Variants in DMD observed in about 807,000 individuals in gnomAD.
The protein encoded by DMD is dystrophin, also known as mutant dystrophin.
In DMD, 63 loss-of-function variants were observed where a neutral mutation model predicts 330.1. The observed-to-expected ratio is 0.19, with a 90% CI of 0.16 to 0.24. The LOEUF (loss-of-function observed/expected upper bound fraction) is 0.24, where lower values mean the gene tolerates loss of function less well. Ranked by LOEUF, DMD falls within the 10% of genes least tolerant of loss-of-function variation. DMD has a pLI of 1.00. For synonymous variants in DMD, 1,223 were observed against 959.8 expected (o/e 1.27, Z -5.07); for missense variants, 3,344 against 2,684.1 (o/e 1.25, Z -5.43).
intron 2 of DMD, among the ~76,000 whole-genome samples, chrX:32,882,150 C>T (rs1156699323): frequency 8.9e-6 from 1 of 111,930 alleles, no homozygotes; most frequent in Non-Finnish European, 1.9e-5. Flanking sequence ...GCCTCAGTCC[C>T]ATTGGGCCCT....
At chrX:32,508,099 A>G (rs776909186) in intron 18 of DMD, among the ~76,000 whole-genome samples, 1 of 110,973 alleles carries the variant, frequency 9.0e-6, no homozygotes, top group Non-Finnish European at 1.9e-5. Context: ...GGCCAACAAG[A>G]TATCACAAGG....
At chrX:31,745,970 C>T (rs741935) in intron 51 of DMD, among the ~76,000 whole-genome samples, 46,736 of 110,249 alleles carry the variant, frequency 0.42, 7,129 homozygotes, top group East Asian at 0.6. Flanking sequence ...TATTGCTGCA[C>T]TAGACCTGAT....
chrX:32,589,410 T>A (rs1228867155), intron 13 of DMD, among the ~76,000 whole-genome samples: 1 of 110,802 alleles, frequency 9.0e-6, no homozygotes, highest in African/African-American at 3.3e-5. Flanking sequence ...GTGCACTCTA[T>A]CTCATATGTG....
At chrX:32,772,022 C>A (rs1375451092) in intron 7 of DMD, among the ~76,000 whole-genome samples, 1 of 111,913 alleles carries the variant, frequency 8.9e-6, no homozygotes, top group Non-Finnish European at 1.9e-5. Flanking sequence ...GAAGGAAACA[C>A]CTGAAACCGG....
At chrX:31,884,876 G>T (rs746137477) in intron 47 of DMD, among the ~76,000 whole-genome samples, 2 of 111,250 alleles carry the variant, frequency 1.8e-5, no homozygotes, top group South Asian at 7.5e-4. Context: ...CTTGAAAGGA[G>T]TATTATAAAT....
intron 43 of DMD, among the ~76,000 whole-genome samples, chrX:32,221,311 G>A (rs1474776716): frequency 1.9e-5 from 2 of 104,864 alleles, no homozygotes; most frequent in Admixed American, 1.1e-4. Context: ...TGAGGAGGAG[G>A]GACCTGAGCT....
intron 18 of DMD, among the ~76,000 whole-genome samples, chrX:32,513,996 G>C (rs934074374): frequency 9.0e-6 from 1 of 111,665 alleles, no homozygotes; most frequent in African/African-American, 3.3e-5. Context: ...GATTGAGTAA[G>C]ATAAGGCACG....
chrX:31,806,737 T>C (rs1304727787), intron 50 of DMD, among the ~76,000 whole-genome samples: 2 of 112,663 alleles, frequency 1.8e-5, no homozygotes, highest in East Asian at 2.8e-4. Flanking sequence ...TTTACTATAA[T>C]GCTTCAGATT....
At chrX:33,114,234 C>T (rs377701077) in intron 1 of DMD, among the ~76,000 whole-genome samples, 11 of 107,690 alleles carry the variant, frequency 1.0e-4, no homozygotes, top group East Asian at 2.9e-4. Flanking sequence ...CTCAGCCTCC[C>T]GAGTAGCTGA....
intron 2 of DMD, among the ~76,000 whole-genome samples, chrX:32,952,424 GCCCAGCCTTGTTCAGCT>G: frequency 9.0e-6 from 1 of 111,501 alleles, no homozygotes; most frequent in Middle Eastern, 4.6e-3. Context: ...GAGCCACTGT[GCCCAGCCTTGTTCAGCT>G]CCTTTAGCTT....
intron 55 of DMD, among the ~76,000 whole-genome samples, chrX:31,564,034 G>A (rs181486067): frequency 9.0e-6 from 1 of 110,789 alleles, no homozygotes; most frequent in East Asian, 2.8e-4. Flanking sequence ...GTACACAGGG[G>A]GCATGCCATG....
At chrX:32,211,102 C>T (rs919172789) in intron 44 of DMD, among the ~76,000 whole-genome samples, 3 of 110,746 alleles carry the variant, frequency 2.7e-5, no homozygotes, top group Non-Finnish European at 5.7e-5. Context: ...TCTTTTTTTG[C>T]CTTCTCTCAA....
intron 44 of DMD, among the ~76,000 whole-genome samples, chrX:32,041,830 A>G (rs1156901532): frequency 1.8e-5 from 2 of 108,182 alleles, no homozygotes; most frequent in Admixed American, 1.0e-4. Flanking sequence ...TAGATTTAAA[A>G]TTTTGCTAAA....
intron 55 of DMD, among the ~76,000 whole-genome samples, chrX:31,569,652 A>ATATATACATATATATACG (rs2075692513): frequency 1.1e-5 from 1 of 93,207 alleles, no homozygotes; most frequent in Non-Finnish European, 2.1e-5. Flanking sequence ...GTATATACGT[A>ATATATACATATATATACG]TATATACGTA....
chrX:32,028,712 A>G (rs779949758), intron 44 of DMD, among the ~76,000 whole-genome samples: 43 of 111,540 alleles, frequency 3.9e-4, no homozygotes, highest in African/African-American at 1.4e-3. Context: ...GAAAGGAGGA[A>G]ATTGAAATTT....
chrX:32,732,797 G>A (rs1160668251), intron 7 of DMD, among the ~76,000 whole-genome samples: 17 of 110,001 alleles, frequency 1.5e-4, no homozygotes, highest in East Asian at 2.9e-4. Context: ...GGTACCAGCC[G>A]CTGCAAAATC....
intron 3 of DMD, among the ~76,000 whole-genome samples, chrX:32,848,048 C>A (rs1028669884): frequency 8.9e-6 from 1 of 111,741 alleles, no homozygotes; most frequent in Non-Finnish European, 1.9e-5. Context: ...AATTTGTTAA[C>A]CCTGACTAAA....
At chrX:31,664,602 T>G (rs779163423) in intron 53 of DMD, among the ~76,000 whole-genome samples, 14 of 100,606 alleles carry the variant, frequency 1.4e-4, no homozygotes, top group Non-Finnish European at 2.8e-4. Context: ...ATCAATCTGA[T>G]ATGTTGGTCC....
At chrX:32,921,536 C>T (rs952089022) in intron 2 of DMD, among the ~76,000 whole-genome samples, 2 of 111,227 alleles carry the variant, frequency 1.8e-5, no homozygotes, top group African/African-American at 6.5e-5. Context: ...AACTGATATA[C>T]GTGGCCATGT....
Sources: allele counts gnomAD v4.1 joint callset (sites outside exome capture counted in the v4.1 genomes callset), GRCh38; gene constraint gnomAD v4.1.1; transcripts MANE v1.5; gene names NCBI Gene and HGNC (gene_info 2026-07-23, HGNC 2026-07-21).